Variants in FCHO2 observed in about 807,000 individuals in gnomAD.
FCHO2 encodes the protein F-BAR domain only protein 2.
Under a neutral mutation model 114.1 loss-of-function variants are expected in FCHO2, and 43 were observed. The ratio of observed to expected loss-of-function variants is 0.38; its 90% CI spans 0.30 to 0.49. The LOEUF (loss-of-function observed/expected upper bound fraction) is 0.49, where lower values mean the gene tolerates loss of function less well. Among genes scored for constraint, FCHO2 ranks in the 20% least tolerant of loss-of-function variants. FCHO2 has a pLI of 0.97. For missense variants in FCHO2, 807 were observed against 950.4 expected, an observed-to-expected ratio of 0.85 and a Z score of 1.98; for synonymous variants, 293 against 315.2, an observed-to-expected ratio of 0.93 and a Z score of 0.75.
At chr5:72,997,520 T>C in intron 5 of FCHO2, 1 of 1,415,190 alleles carries the variant, frequency 7.1e-7, no homozygotes, top group Non-Finnish European at 1.0e-6. Context: ...CACCATCAAA[T>C]CCTGGTTCAG....
At chr5:73,029,921 G>A (rs941661056) in intron 8 of FCHO2, among the ~76,000 whole-genome samples, 6 of 152,152 alleles carry the variant, frequency 3.9e-5, no homozygotes, top group Non-Finnish European at 5.9e-5. Flanking sequence ...TTCCACATGC[G>A]ATTTGGAGGG....
At chr5:73,063,784 G>A in intron 17 of FCHO2, 57 bp from the exon 18 acceptor site, 3 of 1,461,968 alleles carry the variant, frequency 2.1e-6, no homozygotes. Context: ...ATGTCTTTAT[G>A]TAAGGATTGC....
At chr5:73,058,354 A>C (rs1757696604) in intron 16 of FCHO2, 79 bp from the exon 17 acceptor site, 3 of 1,024,854 alleles carry the variant, frequency 2.9e-6, no homozygotes, top group Non-Finnish European at 4.2e-6. Context: ...AATTCTATGA[A>C]ATAAAAATAA....
chr5:73,002,282 A>G (rs369944872), intron 5 of FCHO2, among the ~76,000 whole-genome samples: 1 of 152,222 alleles, frequency 6.6e-6, no homozygotes, highest in East Asian at 1.9e-4. Context: ...TCTAGAGACT[A>G]CGTGAGTATA....
At chr5:73,015,186 C>G (rs1179799407) in intron 6 of FCHO2, among the ~76,000 whole-genome samples, 1 of 151,444 alleles carries the variant, frequency 6.6e-6, no homozygotes, top group Non-Finnish European at 1.5e-5. Flanking sequence ...AGTTTACCTG[C>G]TAGATCTGTC....
chr5:73,054,674 A>C (rs1169389158), intron 15 of FCHO2, 125 bp downstream of exon 15: 27 of 635,952 alleles, frequency 4.2e-5, no homozygotes, highest in Non-Finnish European at 6.0e-5. Context: ...CTGCGTGGCT[A>C]GAAGGATAAT....
At chr5:73,063,278 C>A (rs1054714316) in intron 17 of FCHO2, among the ~76,000 whole-genome samples, 8 of 151,866 alleles carry the variant, frequency 5.3e-5, no homozygotes, top group Non-Finnish European at 8.8e-5. Context: ...GAACACTTAC[C>A]AAAGTTAATT....
intron 11 of FCHO2, among the ~76,000 whole-genome samples, chr5:73,045,139 AT>A (rs1203214305): frequency 6.6e-6 from 1 of 152,196 alleles, no homozygotes; most frequent in East Asian, 1.9e-4. Flanking sequence ...TGACACTAAC[AT>A]TTTACAAAAC....
chr5:72,997,085 G>A (rs773656318), intron 5 of FCHO2: 155 of 1,237,550 alleles, frequency 1.3e-4, no homozygotes, highest in Non-Finnish European at 1.8e-4. Context: ...AATCAGCTAG[G>A]TGAAGAGGAA....
At chr5:72,991,751 T>C (rs2112671922) in intron 5 of FCHO2, among the ~76,000 whole-genome samples, 1 of 152,334 alleles carries the variant, frequency 6.6e-6, no homozygotes, top group Non-Finnish European at 1.5e-5. Flanking sequence ...GTTTGAAATA[T>C]CCAGTAAAAA....
At chr5:72,957,683 T>C (rs981767696) in intron 1 of FCHO2, among the ~76,000 whole-genome samples, 3 of 152,226 alleles carry the variant, frequency 2.0e-5, no homozygotes, top group African/African-American at 4.8e-5. Flanking sequence ...TGTGAACATA[T>C]GTTTTCATTT....
intron 2 of FCHO2, among the ~76,000 whole-genome samples, chr5:72,978,639 T>C (rs1277671649): frequency 2.0e-5 from 3 of 152,142 alleles, no homozygotes; most frequent in African/African-American, 7.2e-5. Flanking sequence ...GAACTTCCAA[T>C]ACTATGTTGA....
At chr5:73,001,800 G>A (rs547090221) in intron 5 of FCHO2, among the ~76,000 whole-genome samples, 24 of 151,604 alleles carry the variant, frequency 1.6e-4, no homozygotes, top group Non-Finnish European at 2.2e-4. Flanking sequence ...TTAGCCAGGC[G>A]TAGTGGCATG....
At chr5:73,003,768 G>A (rs1754568735) in intron 5 of FCHO2, among the ~76,000 whole-genome samples, 1 of 152,094 alleles carries the variant, frequency 6.6e-6, no homozygotes, top group Admixed American at 6.6e-5. Context: ...TGAAGGCCCA[G>A]TGTGGTGGCT....
chr5:73,001,448 CAAAAAAA>C (rs1215202339), intron 5 of FCHO2, among the ~76,000 whole-genome samples: 5 of 65,530 alleles, frequency 7.6e-5, no homozygotes, highest in South Asian at 5.9e-4. Flanking sequence ...GATCCTGTCT[CAAAAAAA>C]AAAAAAAAAA....
At chr5:73,046,790 A>G (rs1757081052) in intron 11 of FCHO2, among the ~76,000 whole-genome samples, 2 of 152,106 alleles carry the variant, frequency 1.3e-5, no homozygotes, top group African/African-American at 4.8e-5. Context: ...TCTGCTCTTC[A>G]CCCTACATTA....
At chr5:73,024,438 T>C (rs1355328057) in intron 8 of FCHO2, among the ~76,000 whole-genome samples, 1 of 151,944 alleles carries the variant, frequency 6.6e-6, no homozygotes, top group Non-Finnish European at 1.5e-5. Context: ...CTTTTTTTTT[T>C]TTATGTTTTA....
intron 18 of FCHO2, 38 bp downstream of exon 18, chr5:73,063,982 T>G: frequency 6.6e-7 from 1 of 1,516,138 alleles, no homozygotes; most frequent in Non-Finnish European, 9.0e-7. Context: ...TTTAACTGTT[T>G]TGATTTAAGA....
At chr5:73,054,377 C>A in intron 14 of FCHO2, 148 bp from the exon 15 acceptor site, 1 of 841,140 alleles carries the variant, frequency 1.2e-6, no homozygotes. Flanking sequence ...ACTGTTTTTT[C>A]TCTATATCTT....
Sources: gnomAD v4.1 joint callset for allele counts (sites outside exome capture counted in the v4.1 genomes callset) on GRCh38, gnomAD v4.1.1 for gene constraint, MANE v1.5 for transcripts, NCBI Gene and HGNC (gene_info 2026-07-23, HGNC 2026-07-21) for gene names.